The following PLEKHD1 variants were observed in gnomAD, a reference collection of about 807,000 sequenced individuals.
PLEKHD1 encodes the protein pleckstrin homology domain-containing family D member 1.
Under a neutral mutation model 69.2 loss-of-function variants are expected in PLEKHD1, and 51 were observed. The observed-to-expected ratio is 0.74, with a 90% CI of 0.59 to 0.93. PLEKHD1 has a LOEUF of 0.93. Ranked by LOEUF, PLEKHD1 falls within the 40% of genes least tolerant of loss-of-function variation. The pLI is 0.00. For missense variants in PLEKHD1, 584 were observed against 641.0 expected (o/e 0.91, Z 0.96); for synonymous variants, 236 against 244.7 (o/e 0.96, Z 0.33).
intron 6 of PLEKHD1, among the ~76,000 whole-genome samples, chr14:69,515,544 G>C (rs1425802137): frequency 6.6e-6 from 1 of 152,190 alleles, no homozygotes; most frequent in Non-Finnish European, 1.5e-5. Flanking sequence ...TATAAAGAAA[G>C]GTTTGATTGG....
At chr14:69,470,451 C>CA in the PLEKHD1 span, among the ~76,000 whole-genome samples, 30,698 of 120,508 alleles carry the variant, frequency 0.25, 3,225 homozygotes, top group South Asian at 0.38. Context: ...TGACAGAGAT[C>CA]AAAAAAAAAA....
At chr14:69,522,750 C>T (rs1333565900) in intron 7 of PLEKHD1, among the ~76,000 whole-genome samples, 1 of 152,130 alleles carries the variant, frequency 6.6e-6, no homozygotes, top group South Asian at 2.1e-4. Context: ...GTCTTTCCTG[C>T]ATAGTCCTTT....
chr14:69,484,638 A>C, upstream of PLEKHD1: 1 of 223,028 alleles, frequency 4.5e-6, no homozygotes, highest in East Asian at 9.5e-5. Flanking sequence ...AATCGGGGCC[A>C]CCAGAATTGG....
chr14:69,498,106 A>ATTTTATTTTATTTTATT (rs1491301174), intron 1 of PLEKHD1, among the ~76,000 whole-genome samples: 6 of 141,464 alleles, frequency 4.2e-5, no homozygotes, highest in African/African-American at 1.4e-4. Flanking sequence ...ATTTTATTTT[A>ATTTTATTTTATTTTATT]GAGAGTCTTG....
rs902894656 is a variant in PLEKHD1 at position 69,500,907 on chromosome 14, C to T, written c.370C>T (p.Gln124Ter). The T allele has an allele frequency of 6.6e-5, 102 of 1,551,540 alleles. No individual in the cohort carries two copies. The highest frequency in any genetic ancestry group is 8.5e-5 in the Non-Finnish European group (98 of 1,147,008). The change falls in exon 4 of 13, where the codon CAG becomes TAG. Residue 124 changes from glutamine (Q) to a stop codon, truncating the protein, a stop_gained. Coordinates refer to ENST00000322564, the MANE Select transcript of PLEKHD1 (RefSeq NM_001161498.2). LOFTEE classifies it high-confidence loss of function. ...GCTTGCTGCTGAGTCGGAGTTTGAG[C>T]AGACCCAGTGGCTGGAGATGCTGCA... ...ILLAAESEFE[Q>*]TQWLEMLQES...
chr14:69,487,740 T>A (rs75647798), intron 1 of PLEKHD1, among the ~76,000 whole-genome samples: 7 of 152,118 alleles, frequency 4.6e-5, no homozygotes, highest in Non-Finnish European at 1.0e-4. Flanking sequence ...CTGGGAGAGA[T>A]GTCTAGAAGG....
chr14:69,502,843 G>A lies in PLEKHD1; in HGVS notation c.519G>A (p.Glu173=). The change falls in exon 6 of 13, where the codon GAG becomes GAA. Residue 173 remains glutamate, a synonymous_variant. Transcript: ENST00000322564. Reference sequence around the variant, plus strand: ...TTTTGGCAGACAAACTGATGGAAGAGACCGAAGAACTCTGCCTTCAGAGGG... The same window carrying A: ...TTTTGGCAGACAAACTGATGGAAGAAACCGAAGAACTCTGCCTTCAGAGGG... ...KQEYLDKLME[E]TEELCLQREQ... 1 of 1,551,618 alleles carries A rather than the reference G, an allele frequency of 6.4e-7. No individual in the cohort carries two copies. Among genetic ancestry groups the A allele is most frequent in the Non-Finnish European group, 8.7e-7 (1 of 1,146,974 alleles).
chr14:69,504,274 C>T (rs1177025892), intron 6 of PLEKHD1, among the ~76,000 whole-genome samples: 1 of 152,170 alleles, frequency 6.6e-6, no homozygotes, highest in Non-Finnish European at 1.5e-5. Context: ...ACCAGAGCAG[C>T]CTGCAGAGGG....
At position 69,500,912 on chromosome 14, in the gene PLEKHD1, C is replaced by A. The variant is rs1283578957; in HGVS notation, c.375C>A (p.Thr125=). ...CTGCTGAGTCGGAGTTTGAGCAGACCCAGTGGCTGGAGATGCTGCAGGAGT... is the reference window on the plus strand; with the variant it reads ...CTGCTGAGTCGGAGTTTGAGCAGACACAGTGGCTGGAGATGCTGCAGGAGT... ...LLAAESEFEQ[T]QWLEMLQESG... Residue 125 remains threonine (T), a synonymous_variant, in exon 4 of 13, where the codon ACC becomes ACA. Coordinates refer to ENST00000322564, the MANE Select transcript of PLEKHD1 (RefSeq NM_001161498.2). 6 of 1,551,472 alleles carry A rather than the reference C, an allele frequency of 3.9e-6. No individual in the cohort carries two copies. Among genetic ancestry groups the A allele is most frequent in the Non-Finnish European group, 5.2e-6 (6 of 1,146,988 alleles).
upstream of PLEKHD1, among the ~76,000 whole-genome samples, chr14:69,483,454 T>A (rs1882582936): frequency 1.3e-5 from 2 of 151,914 alleles, no homozygotes; most frequent in Admixed American, 6.6e-5. Flanking sequence ...GTGGTAAGAA[T>A]GATACAAGTG....
At chr14:69,484,008 G>C (rs1477185942), upstream of PLEKHD1, among the ~76,000 whole-genome samples, 1 of 152,260 alleles carries the variant, frequency 6.6e-6, no homozygotes, top group Non-Finnish European at 1.5e-5. Context: ...CACACTGCAC[G>C]GATAGCTCCA....
intron 6 of PLEKHD1, among the ~76,000 whole-genome samples, chr14:69,508,405 CAAA>C (rs377539792): frequency 6.9e-5 from 9 of 130,172 alleles, no homozygotes; most frequent in African/African-American, 8.5e-5. Context: ...GACTCCATCT[CAAA>C]AAAAAAAAAC....
intron 6 of PLEKHD1, among the ~76,000 whole-genome samples, chr14:69,511,845 C>G (rs1883279365): frequency 6.6e-6 from 1 of 152,176 alleles, no homozygotes; most frequent in Non-Finnish European, 1.5e-5. Context: ...TCCACTGTGA[C>G]TGGCCAGTCT....
At chr14:69,524,408 C>A in intron 8 of PLEKHD1, 86 bp downstream of exon 8, 1 of 1,152,486 alleles carries the variant, frequency 8.7e-7, no homozygotes, top group Non-Finnish European at 1.3e-6. Context: ...CAGTGTTTCC[C>A]CAGGGGGTGA....
At chr14:69,510,450 T>G (rs1441708586) in intron 6 of PLEKHD1, among the ~76,000 whole-genome samples, 1 of 152,154 alleles carries the variant, frequency 6.6e-6, no homozygotes, top group African/African-American at 2.4e-5. Context: ...GGTGCTAATG[T>G]CAATGGTAAT....
intron 2 of PLEKHD1, 50 bp from the exon 3 acceptor site, chr14:69,500,527 G>A: frequency 1.4e-6 from 2 of 1,460,982 alleles, no homozygotes; most frequent in Non-Finnish European, 1.8e-6. Context: ...GAACCCCTGA[G>A]TGACCCCAGT....
rs575474092 is a variant in PLEKHD1 at position 69,487,276 on chromosome 14, G to C, written c.149+2162G>C. Among the ~76,000 whole-genome samples, 309 of 152,250 alleles carry C rather than the reference G, an allele frequency of 2.0e-3. 2 individuals are homozygous for C. Among genetic ancestry groups the C allele is most frequent in the African/African-American group, 7.2e-3 (298 of 41,538 alleles). The stretch of plus-strand genomic sequence containing the variant: ...AGCCAGCCAGAGAGGGCCTGGGTGT[G>C]GGGGAGAAAGATGCTCAGCTCAGCC... On this transcript the variant is annotated intron_variant, in intron 1 of 12. Coordinates refer to ENST00000322564, the MANE Select transcript of PLEKHD1 (RefSeq NM_001161498.2).
At chr14:69,496,570 G>GA (rs1882892342) in intron 1 of PLEKHD1, among the ~76,000 whole-genome samples, 3 of 152,128 alleles carry the variant, frequency 2.0e-5, no homozygotes, top group Non-Finnish European at 2.9e-5. Flanking sequence ...CTGTCACCCA[G>GA]GCTGGAGGCC....
intron 7 of PLEKHD1, 65 bp downstream of exon 7, chr14:69,522,442 G>A (rs758053827): frequency 6.4e-5 from 96 of 1,506,044 alleles, no homozygotes; most frequent in South Asian, 2.2e-4. Flanking sequence ...CACCTTCCCC[G>A]TCAGATCTGA....
Sources: gnomAD v4.1 joint callset for allele counts (sites outside exome capture counted in the v4.1 genomes callset) on GRCh38, gnomAD v4.1.1 for gene constraint, MANE v1.5 for transcripts, NCBI Gene and HGNC (gene_info 2026-07-23, HGNC 2026-07-21) for gene names.